The following DMD variants were observed in gnomAD, a reference collection of about 807,000 sequenced individuals.
The protein encoded by DMD is dystrophin, also known as mutant dystrophin.
A neutral mutation model predicts 330.1 loss-of-function variants in DMD; 63 were observed. That is an observed-to-expected ratio of 0.19 (90% CI 0.16 to 0.24). The LOEUF (loss-of-function observed/expected upper bound fraction) is 0.24, where lower values mean the gene tolerates loss of function less well. DMD is among the 10% of genes least tolerant of loss of function. The pLI is 1.00. For missense variants in DMD, 3,344 were observed against 2,684.1 expected, an observed-to-expected ratio of 1.25 and a Z score of -5.43; for synonymous variants, 1,223 against 959.8, an observed-to-expected ratio of 1.27 and a Z score of -5.07.
At chrX:31,666,632 G>T (rs5927794) in intron 53 of DMD, among the ~76,000 whole-genome samples, 1 of 110,820 alleles carries the variant, frequency 9.0e-6, no homozygotes, top group African/African-American at 3.3e-5. Flanking sequence ...ATAAAGAACA[G>T]GTTCTCTTAT....
At position 32,544,280 on chromosome X, in the gene DMD, AT is replaced by A. The variant is rs758199916; in HGVS notation, c.2168+878del. 4.5e-3 allele frequency among the ~76,000 whole-genome samples: 502 copies of A among 111,211 alleles called. 3 individuals carry two copies. The highest frequency in any genetic ancestry group is 0.016 in the African/African-American group (478 of 30,610). On this transcript the variant is annotated intron_variant, in intron 17 of 78. Transcript: ENST00000357033. ...ATATTTGAATAACTTCTCTAGATTT[AT>A]TTTTTTTCTTAGAACATCTGACATG...
chrX:31,848,381 C>A (rs1377956442), intron 48 of DMD, among the ~76,000 whole-genome samples: 2 of 111,528 alleles, frequency 1.8e-5, no homozygotes, highest in African/African-American at 3.3e-5. Context: ...AGAAGGCCAC[C>A]ACTAAAATGG....
At chrX:31,198,202 T>C (rs773373919) in intron 67 of DMD, among the ~76,000 whole-genome samples, 1 of 110,663 alleles carries the variant, frequency 9.0e-6, no homozygotes, top group East Asian at 2.8e-4. Flanking sequence ...ACTATAGTAA[T>C]CAATATATTT....
chrX:32,342,500 TAAGTA>T (rs1157520714), intron 40 of DMD: 1 of 407,880 alleles, frequency 2.5e-6, no homozygotes, highest in East Asian at 4.0e-5. Flanking sequence ...ATATTCTAAT[TAAGTA>T]AATATTGAAA....
intron 48 of DMD, among the ~76,000 whole-genome samples, chrX:31,867,089 T>TATATATATATATATA (rs1395456607): frequency 1.6e-5 from 1 of 63,438 alleles, no homozygotes; most frequent in African/African-American, 7.2e-5. Flanking sequence ...GCAACATATT[T>TATATATATATATATA]TGATATATAT....
intron 7 of DMD, among the ~76,000 whole-genome samples, chrX:32,752,152 G>A (rs925793922): frequency 1.8e-5 from 2 of 111,743 alleles, no homozygotes; most frequent in African/African-American, 3.3e-5. Flanking sequence ...GAGGGCCACT[G>A]TCCTCCAGAC....
chrX:31,178,912 T>TG (rs781640582), intron 69 of DMD, 107 bp from the exon 70 acceptor site: 1 of 985,579 alleles, frequency 1.0e-6, no homozygotes, highest in Non-Finnish European at 1.4e-6. Context: ...TTAAGGAGAG[T>TG]GTTGTGGTTG....
intron 1 of DMD, among the ~76,000 whole-genome samples, chrX:33,180,919 A>C (rs1263501444): frequency 9.3e-6 from 1 of 107,065 alleles, no homozygotes; most frequent in Non-Finnish European, 1.9e-5. Context: ...GCTAGGTGAC[A>C]TCACTTGAGA....
At chrX:32,606,621 T>G (rs1209287744) in intron 12 of DMD, among the ~76,000 whole-genome samples, 2 of 109,189 alleles carry the variant, frequency 1.8e-5, no homozygotes, top group African/African-American at 6.6e-5. Flanking sequence ...ATGTTTATCA[T>G]AGCACTATTT....
intron 32 of DMD, among the ~76,000 whole-genome samples, chrX:32,386,769 G>A (rs2097961096): frequency 2.7e-5 from 3 of 110,049 alleles, no homozygotes. Flanking sequence ...GAACATAAAT[G>A]TCAATTCTGA....
intron 42 of DMD, among the ~76,000 whole-genome samples, chrX:32,308,615 T>C (rs1213283933): frequency 9.0e-6 from 1 of 111,036 alleles, no homozygotes; most frequent in Non-Finnish European, 1.9e-5. Context: ...AATAATACCA[T>C]ATTATAAACC....
intron 54 of DMD, among the ~76,000 whole-genome samples, chrX:31,649,581 A>AT (rs768282976): frequency 0.021 from 2,126 of 102,592 alleles, 56 homozygotes; most frequent in African/African-American, 0.067. Flanking sequence ...AATGCAGAGA[A>AT]TTTTTTTTTT....
intron 74 of DMD, among the ~76,000 whole-genome samples, chrX:31,155,355 C>T (rs1052235282): frequency 1.8e-5 from 2 of 112,547 alleles, no homozygotes; most frequent in African/African-American, 6.5e-5. Flanking sequence ...AAATGAAGGT[C>T]ACTTTCCAGT....
intron 56 of DMD, among the ~76,000 whole-genome samples, chrX:31,502,191 C>T (rs2070469868): frequency 9.0e-6 from 1 of 111,416 alleles, no homozygotes; most frequent in Non-Finnish European, 1.9e-5. Context: ...AGAAAAATCT[C>T]CAGGGTGTCA....
chrX:33,022,974 A>G (rs2093941019), intron 1 of DMD, among the ~76,000 whole-genome samples: 1 of 111,871 alleles, frequency 8.9e-6, no homozygotes. Context: ...ATTTGTCTGT[A>G]TGAACTGATC....
intron 32 of DMD, among the ~76,000 whole-genome samples, chrX:32,387,477 G>A (rs981825829): frequency 1.8e-5 from 2 of 111,166 alleles, no homozygotes; most frequent in African/African-American, 6.5e-5. Context: ...AAACCTGACA[G>A]TAGGTAATTG....
At chrX:32,948,676 T>C (rs2090985682) in intron 2 of DMD, among the ~76,000 whole-genome samples, 1 of 111,952 alleles carries the variant, frequency 8.9e-6, no homozygotes, top group African/African-American at 3.2e-5. Flanking sequence ...AGGCTGAAGC[T>C]AATCTGTCAT....
chrX:31,761,403 G>GA (rs916529007), intron 51 of DMD, among the ~76,000 whole-genome samples: 3 of 109,662 alleles, frequency 2.7e-5, no homozygotes, highest in Non-Finnish European at 5.7e-5. Context: ...TCTCAAGAAG[G>GA]AAAAAAAAGT....
At chrX:32,377,874 G>A (rs2097910228) in intron 34 of DMD, among the ~76,000 whole-genome samples, 1 of 110,841 alleles carries the variant, frequency 9.0e-6, no homozygotes, top group African/African-American at 3.3e-5. Context: ...CTGAAAATCT[G>A]AAAACAATTG....
Sources: gnomAD v4.1 joint callset for allele counts (sites outside exome capture counted in the v4.1 genomes callset) on GRCh38, gnomAD v4.1.1 for gene constraint, MANE v1.5 for transcripts, NCBI Gene and HGNC (gene_info 2026-07-23, HGNC 2026-07-21) for gene names.